Variants in NEK7 observed in about 807,000 individuals in gnomAD.
The protein encoded by NEK7 is serine/threonine-protein kinase Nek7.
NEK7 carries 18 observed loss-of-function variants against 44.6 expected under a neutral mutation model. That is an observed-to-expected ratio of 0.40 (90% CI 0.28 to 0.60). The LOEUF (loss-of-function observed/expected upper bound fraction) is 0.60, where lower values mean the gene tolerates loss of function less well. Ranked by LOEUF, NEK7 falls within the 20% of genes least tolerant of loss-of-function variation. The pLI, the probability that NEK7 is intolerant of heterozygous loss-of-function variation, is 0.38. For synonymous variants in NEK7, 130 were observed against 121.1 expected, an observed-to-expected ratio of 1.07 and a Z score of -0.48; for missense variants, 256 against 366.5, an observed-to-expected ratio of 0.70 and a Z score of 2.46.
chr1:198,245,378 A>G (rs1666808613), intron 2 of NEK7: 1 of 169,282 alleles, frequency 5.9e-6, no homozygotes, highest in African/African-American at 2.4e-5. Flanking sequence ...ATGCCTCTTT[A>G]TAGAGTTGAA....
chr1:198,287,955 A>C (rs1169131652), intron 7 of NEK7, among the ~76,000 whole-genome samples: 4 of 152,204 alleles, frequency 2.6e-5, no homozygotes, highest in Non-Finnish European at 5.9e-5. Flanking sequence ...TTCACACTAG[A>C]GTCTCTTGAG....
At chr1:198,216,635 A>G (rs1350228558) in intron 1 of NEK7, among the ~76,000 whole-genome samples, 1 of 151,920 alleles carries the variant, frequency 6.6e-6, no homozygotes, top group Non-Finnish European at 1.5e-5. Flanking sequence ...ACAAAAGATC[A>G]GTGAAACAAA....
At chr1:198,314,394 C>T (rs1015806554) in intron 9 of NEK7, among the ~76,000 whole-genome samples, 3 of 152,150 alleles carry the variant, frequency 2.0e-5, no homozygotes, top group Non-Finnish European at 2.9e-5. Flanking sequence ...TCCCGTAGCT[C>T]GGAGTAATTT....
chr1:198,312,802 G>T (rs953656805), intron 9 of NEK7, among the ~76,000 whole-genome samples: 1 of 151,848 alleles, frequency 6.6e-6, no homozygotes, highest in Non-Finnish European at 1.5e-5. Context: ...TGGTCTGAGA[G>T]ATAGTTTGTT....
intron 2 of NEK7, among the ~76,000 whole-genome samples, chr1:198,245,930 CT>C (rs1413598626): frequency 5.3e-5 from 8 of 152,108 alleles, no homozygotes; most frequent in African/African-American, 1.9e-4. Flanking sequence ...CAGTATTTTG[CT>C]GAGTTATTTT....
intron 1 of NEK7, among the ~76,000 whole-genome samples, chr1:198,168,970 T>A (rs1664350056): frequency 6.6e-6 from 1 of 152,178 alleles, no homozygotes; most frequent in Non-Finnish European, 1.5e-5. Context: ...GGAAGCAGCT[T>A]TCTGTAATGT....
intron 1 of NEK7, among the ~76,000 whole-genome samples, chr1:198,217,529 G>A (rs1298270865): frequency 1.3e-5 from 2 of 152,080 alleles, no homozygotes; most frequent in East Asian, 3.9e-4. Context: ...ACTGGAACAA[G>A]ATAGGAATGC....
At chr1:198,311,801 G>A (rs1380063136) in intron 9 of NEK7, among the ~76,000 whole-genome samples, 1 of 152,154 alleles carries the variant, frequency 6.6e-6, no homozygotes, top group Admixed American at 6.5e-5. Context: ...CTTGATCATG[G>A]TGGATAAGCT....
At chr1:198,310,755 G>T (rs190736581) in intron 9 of NEK7, among the ~76,000 whole-genome samples, 2 of 151,752 alleles carry the variant, frequency 1.3e-5, no homozygotes, top group Admixed American at 1.3e-4. Flanking sequence ...ATGTAGATAC[G>T]TGGCATTATT....
At position 198,174,419 on chromosome 1, in the gene NEK7, A is replaced by G. The variant is rs187816718; in HGVS notation, c.-29+17143A>G. On this transcript the variant is annotated intron_variant, in intron 1 of 9. Transcript: ENST00000367385. ...AAGTATTATGCTTCGTTTCTTGTGTACGTGGGGAGGTGGGTAGGAGGGGGA... is the reference window on the plus strand; with the variant it reads ...AAGTATTATGCTTCGTTTCTTGTGTGCGTGGGGAGGTGGGTAGGAGGGGGA... 3.5e-4 allele frequency among the ~76,000 whole-genome samples: 53 copies of G among 152,142 alleles called. No individual in the cohort carries two copies. In the East Asian group the frequency reaches 9.5e-3, roughly 27 times the overall value.
chr1:198,252,953 C>T, intron 2 of NEK7, 87 bp from the exon 3 acceptor site: 1 of 1,109,206 alleles, frequency 9.0e-7, no homozygotes, highest in East Asian at 2.4e-5. Context: ...CCCTATGTGT[C>T]ACCTACATAT....
In NEK7 at chr1:198,210,813, C is replaced by T. The variant is rs367917135; in HGVS notation, c.-28-21740C>T. 2.1e-4 allele frequency among the ~76,000 whole-genome samples: 26 copies of T among 123,424 alleles called. No individual in the cohort carries two copies. In the East Asian group the frequency reaches 4.3e-3, roughly 21 times the overall value. 81.0% of individuals were successfully genotyped at this position (123,424 alleles called of 152,430 possible). ...TGTCGCCCAGGCTGGAGTGCAGTGG[C>T]GCAATCTTGGCTCACTGCAAGCTCC... On this transcript the variant is annotated intron_variant, in intron 1 of 9. Transcript: ENST00000367385.
chr1:198,174,740 T>C (rs1473327986), intron 1 of NEK7, among the ~76,000 whole-genome samples: 1 of 151,964 alleles, frequency 6.6e-6, no homozygotes, highest in African/African-American at 2.4e-5. Flanking sequence ...CATTGTGTTT[T>C]TTTTTGTTTT....
intron 2 of NEK7, among the ~76,000 whole-genome samples, chr1:198,234,728 A>G (rs1553252170): frequency 1.3e-5 from 2 of 152,160 alleles, no homozygotes; most frequent in Non-Finnish European, 2.9e-5. Flanking sequence ...CCTTTCGTTT[A>G]TGCCTCCTGC....
intron 7 of NEK7, among the ~76,000 whole-genome samples, chr1:198,286,596 C>A (rs1369394015): frequency 9.2e-5 from 14 of 152,046 alleles, no homozygotes; most frequent in Admixed American, 9.2e-4. Context: ...AACACATTAC[C>A]AAAAACTTAG....
intron 1 of NEK7, among the ~76,000 whole-genome samples, chr1:198,177,445 C>T (rs891349500): frequency 1.3e-5 from 2 of 151,988 alleles, no homozygotes; most frequent in African/African-American, 4.8e-5. Context: ...AATAGAATTA[C>T]TTTTTTTATT....
chr1:198,170,365 A>G (rs747323268), intron 1 of NEK7, among the ~76,000 whole-genome samples: 1 of 152,178 alleles, frequency 6.6e-6, no homozygotes, highest in Non-Finnish European at 1.5e-5. Flanking sequence ...CAGGGAATAA[A>G]GTGAGAGATA....
intron 7 of NEK7, among the ~76,000 whole-genome samples, chr1:198,283,322 G>T (rs10494768): frequency 0.2 from 30,057 of 151,936 alleles, 3,558 homozygotes; most frequent in African/African-American, 0.31. Flanking sequence ...AGGGTCTTCT[G>T]TGTCCTGCGA....
At chr1:198,198,473 A>G (rs931341848) in intron 1 of NEK7, among the ~76,000 whole-genome samples, 1 of 152,090 alleles carries the variant, frequency 6.6e-6, no homozygotes, top group African/African-American at 2.4e-5. Context: ...GCAGGCCCAG[A>G]GAGTTTAAGG....
Sources: gnomAD v4.1 joint callset for allele counts (sites outside exome capture counted in the v4.1 genomes callset) on GRCh38, gnomAD v4.1.1 for gene constraint, MANE v1.5 for transcripts, NCBI Gene and HGNC (gene_info 2026-07-23, HGNC 2026-07-21) for gene names.